The following GRXCR1 variants were observed in gnomAD, a reference collection of about 807,000 sequenced individuals.
GRXCR1 encodes the protein glutaredoxin domain-containing cysteine-rich protein 1.
Under a neutral mutation model 27.3 loss-of-function variants are expected in GRXCR1, and 27 were observed. The ratio of observed to expected loss-of-function variants is 0.99; its 90% CI spans 0.73 to 1.37. The LOEUF (loss-of-function observed/expected upper bound fraction) is 1.37. Ranked by LOEUF, GRXCR1 falls within the 40% of genes most tolerant of loss-of-function variation. GRXCR1 has a pLI of 0.00. For missense variants in GRXCR1, 379 were observed against 354.4 expected (o/e 1.07, Z -0.56); for synonymous variants, 122 against 131.1 (o/e 0.93, Z 0.47).
At chr4:42,929,244 C>A (rs1390585442) in intron 1 of GRXCR1, among the ~76,000 whole-genome samples, 4 of 151,946 alleles carry the variant, frequency 2.6e-5, no homozygotes, top group Admixed American at 1.3e-4. Context: ...CAAGAGGCAC[C>A]ATTTGTCTAT....
chr4:42,950,249 A>G (rs929006992), intron 1 of GRXCR1, among the ~76,000 whole-genome samples: 2 of 152,178 alleles, frequency 1.3e-5, no homozygotes, highest in Non-Finnish European at 2.9e-5. Flanking sequence ...CTCTGATGCC[A>G]TTGTTCAATA....
intron 2 of GRXCR1, among the ~76,000 whole-genome samples, chr4:42,982,415 A>G (rs1399220530): frequency 4.0e-5 from 5 of 125,390 alleles, no homozygotes; most frequent in South Asian, 3.1e-4. Context: ...ATAGTATTCC[A>G]TGGTGTATAT....
chr4:42,977,275 A>G (rs755782486), intron 2 of GRXCR1, among the ~76,000 whole-genome samples: 4 of 152,036 alleles, frequency 2.6e-5, no homozygotes, highest in Non-Finnish European at 5.9e-5. Flanking sequence ...GCTGCACTGA[A>G]CAAGGGAGTG....
intron 3 of GRXCR1, among the ~76,000 whole-genome samples, chr4:43,025,172 T>C (rs1577950283): frequency 6.6e-6 from 1 of 152,224 alleles, no homozygotes; most frequent in African/African-American, 2.4e-5. Flanking sequence ...CAATCATTCA[T>C]AAACTCTGCC....
At chr4:42,936,298 A>T (rs1045178519) in intron 1 of GRXCR1, among the ~76,000 whole-genome samples, 6 of 151,974 alleles carry the variant, frequency 3.9e-5, no homozygotes, top group Admixed American at 3.3e-4. Context: ...GAAGAAAACA[A>T]CATCCATTTA....
intron 2 of GRXCR1, among the ~76,000 whole-genome samples, chr4:42,970,069 TC>T (rs981665176): frequency 6.6e-6 from 1 of 152,092 alleles, no homozygotes; most frequent in African/African-American, 2.4e-5. Context: ...ATCTTAAAGC[TC>T]CAAAATAATC....
At chr4:42,987,221 A>AT (rs1394061967) in intron 2 of GRXCR1, among the ~76,000 whole-genome samples, 4 of 39,934 alleles carry the variant, frequency 1.0e-4, no homozygotes, top group Admixed American at 3.8e-4. Flanking sequence ...TTATATATAT[A>AT]TTATATATTA....
intron 1 of GRXCR1, among the ~76,000 whole-genome samples, chr4:42,916,701 C>G (rs1211904044): frequency 6.6e-6 from 1 of 152,062 alleles, no homozygotes; most frequent in Non-Finnish European, 1.5e-5. Context: ...ATGGTATTAT[C>G]CAATTTCTCT....
At chr4:43,029,790 G>A (rs1290994914) in intron 3 of GRXCR1, among the ~76,000 whole-genome samples, 3 of 152,188 alleles carry the variant, frequency 2.0e-5, no homozygotes, top group African/African-American at 2.4e-5. Context: ...GTGTTTGTAT[G>A]TGTACTTGTT....
chr4:42,994,681 C>G (rs533509378), intron 2 of GRXCR1, among the ~76,000 whole-genome samples: 1 of 152,172 alleles, frequency 6.6e-6, no homozygotes, highest in East Asian at 1.9e-4. Flanking sequence ...TCTGAGAATA[C>G]CTAGTAAAGT....
chr4:42,946,456 GTTTATTCTTA>G (rs1169570241), intron 1 of GRXCR1, among the ~76,000 whole-genome samples: 5 of 152,046 alleles, frequency 3.3e-5, no homozygotes, highest in Non-Finnish European at 5.9e-5. Flanking sequence ...TCAAATTTTA[GTTTATTCTTA>G]TTCAACAAAT....
At chr4:42,963,270 GA>G in intron 2 of GRXCR1, 136 bp downstream of exon 2, 1 of 961,366 alleles carries the variant, frequency 1.0e-6, no homozygotes, top group South Asian at 1.3e-5. Context: ...AAAGGGATTG[GA>G]GCACTTATTT....
rs191860577 is a variant in GRXCR1 at position 42,913,107 on chromosome 4, A to G, written c.384+19457A>G. 7.9e-5 allele frequency among the ~76,000 whole-genome samples: 12 copies of G among 152,308 alleles called. No individual in the cohort carries two copies. The East Asian group carries it at 2.3e-3, about 29-fold the overall frequency. ...ATTAAACCTGTTTTCTTTATAAATT[A>G]CCCAGTCTCAGGCATTTCTTCACAG... On this transcript the variant is annotated intron_variant, in intron 1 of 3. Transcript: ENST00000399770.
chr4:42,973,303 C>T (rs1160799194), intron 2 of GRXCR1, among the ~76,000 whole-genome samples: 1 of 152,054 alleles, frequency 6.6e-6, no homozygotes, highest in Non-Finnish European at 1.5e-5. Context: ...AGGCCCATTA[C>T]TTCATTTTCC....
At chr4:43,010,185 T>C (rs1408023373) in intron 2 of GRXCR1, among the ~76,000 whole-genome samples, 1 of 152,132 alleles carries the variant, frequency 6.6e-6, no homozygotes, top group Non-Finnish European at 1.5e-5. Context: ...GTGGATCACC[T>C]GAGGTCAGGA....
In GRXCR1 at chr4:42,963,151, G is replaced by A. The variant is rs772537592; in HGVS notation, c.627+17G>A. 19 of 1,611,756 alleles carry A rather than the reference G, an allele frequency of 1.2e-5. No individual in the cohort carries two copies. The highest frequency in any genetic ancestry group is 1.5e-5 in the Non-Finnish European group (18 of 1,178,336). ...TACCTTGGGGTAAGTAAGCTGCCCA[G>A]GAAAGTCTTTTTCATAGAACCCAAC... is the stretch of plus-strand genomic sequence containing the variant. On this transcript the variant is annotated intron_variant, in intron 2 of 3. Transcript: ENST00000399770.
chr4:42,954,676 T>C (rs1747958011), intron 1 of GRXCR1, among the ~76,000 whole-genome samples: 1 of 152,262 alleles, frequency 6.6e-6, no homozygotes, highest in African/African-American at 2.4e-5. Context: ...ATAATTTGTG[T>C]CTTATAGAGG....
intron 2 of GRXCR1, among the ~76,000 whole-genome samples, chr4:42,967,165 G>C (rs1748264765): frequency 6.6e-6 from 1 of 152,018 alleles, no homozygotes; most frequent in South Asian, 2.1e-4. Context: ...TTATCTTCTA[G>C]GAGTGTTATA....
At chr4:42,911,470 C>T (rs1746721448) in intron 1 of GRXCR1, among the ~76,000 whole-genome samples, 1 of 151,988 alleles carries the variant, frequency 6.6e-6, no homozygotes, top group Non-Finnish European at 1.5e-5. Flanking sequence ...AAATACACTG[C>T]AATATGAAAT....
Sources: gnomAD v4.1 joint callset for allele counts (sites outside exome capture counted in the v4.1 genomes callset) on GRCh38, gnomAD v4.1.1 for gene constraint, MANE v1.5 for transcripts, NCBI Gene and HGNC (gene_info 2026-07-23, HGNC 2026-07-21) for gene names.